The following RBFOX1 variants were observed in gnomAD, a reference collection of about 807,000 sequenced individuals.
RBFOX1 encodes the protein RNA binding protein fox-1 homolog 1.
In RBFOX1, 8 loss-of-function variants were observed where a neutral mutation model predicts 57.7. The observed-to-expected ratio is 0.14, with a 90% CI of 0.08 to 0.25. The LOEUF (loss-of-function observed/expected upper bound fraction) is 0.25, where lower values mean the gene tolerates loss of function less well. RBFOX1 is among the 10% of genes least tolerant of loss of function. RBFOX1 has a pLI of 1.00. For missense variants in RBFOX1, 611 were observed against 548.5 expected, an observed-to-expected ratio of 1.11 and a Z score of -1.14; for synonymous variants, 326 against 222.4, an observed-to-expected ratio of 1.47 and a Z score of -4.15.
intron 3 of RBFOX1, among the ~76,000 whole-genome samples, chr16:5,629,751 G>C (rs780020380): frequency 1.3e-5 from 2 of 152,216 alleles, no homozygotes; most frequent in Non-Finnish European, 2.9e-5. Flanking sequence ...CGAAGGACCT[G>C]ACGTCAGTGG....
At chr16:7,476,410 G>A (rs1009770391) in intron 4 of RBFOX1, among the ~76,000 whole-genome samples, 2 of 152,092 alleles carry the variant, frequency 1.3e-5, no homozygotes, top group East Asian at 1.9e-4. Context: ...TATATAACAC[G>A]CTTTGAAAAA....
At chr16:6,111,756 TG>T (rs2096449065) in intron 1 of RBFOX1, among the ~76,000 whole-genome samples, 1 of 152,152 alleles carries the variant, frequency 6.6e-6, no homozygotes, top group South Asian at 2.1e-4. Context: ...TTTTGAAAAT[TG>T]TTTGGGTATA....
chr16:6,590,365 C>T (rs1401479817), intron 2 of RBFOX1, among the ~76,000 whole-genome samples: 1 of 152,162 alleles, frequency 6.6e-6, no homozygotes, highest in Non-Finnish European at 1.5e-5. Flanking sequence ...TTTCTTCCCA[C>T]CTCCCTGGGG....
At chr16:6,472,869 C>G (rs1045910735) in intron 2 of RBFOX1, among the ~76,000 whole-genome samples, 1 of 152,082 alleles carries the variant, frequency 6.6e-6, no homozygotes, top group African/African-American at 2.4e-5. Flanking sequence ...ATTTGATCCA[C>G]CCACCTCGGC....
At chr16:6,161,412 A>T (rs1445718878) in intron 1 of RBFOX1, among the ~76,000 whole-genome samples, 2 of 150,934 alleles carry the variant, frequency 1.3e-5, no homozygotes, top group Non-Finnish European at 2.9e-5. Flanking sequence ...AAAAGGATTG[A>T]TTAGTTCGTC....
chr16:6,875,410 G>C (rs1198259786), intron 3 of RBFOX1, among the ~76,000 whole-genome samples: 1 of 152,076 alleles, frequency 6.6e-6, no homozygotes, highest in Non-Finnish European at 1.5e-5. Flanking sequence ...TGGTTTTTGA[G>C]GTTTCATTTG....
intron 4 of RBFOX1, among the ~76,000 whole-genome samples, chr16:7,302,369 C>G (rs1481254850): frequency 1.3e-5 from 2 of 152,054 alleles, no homozygotes; most frequent in Admixed American, 1.3e-4. Flanking sequence ...GTGAGTTGTG[C>G]CTTGCGAGCT....
chr16:7,519,758 C>G (rs2077122871), intron 5 of RBFOX1: 5 of 971,658 alleles, frequency 5.1e-6, no homozygotes, highest in Non-Finnish European at 6.1e-6. Context: ...CTCAGGAAAG[C>G]AAGTATTTGT....
chr16:6,461,256 TA>T (rs1303067176), intron 2 of RBFOX1, among the ~76,000 whole-genome samples: 2 of 152,084 alleles, frequency 1.3e-5, no homozygotes, highest in Non-Finnish European at 2.9e-5. Context: ...TCCCAGAACT[TA>T]AAAAAATTAA....
intron 1 of RBFOX1, among the ~76,000 whole-genome samples, chr16:6,254,107 G>A (rs1034786560): frequency 6.6e-6 from 1 of 152,088 alleles, no homozygotes; most frequent in African/African-American, 2.4e-5. Context: ...ATTTTAGGTT[G>A]CCTTCCTTGA....
rs1466975602 is a variant in RBFOX1 at position 7,491,040 on chromosome 16, A to C, written c.28-27107A>C. Among the ~76,000 whole-genome samples, 2 of 152,142 alleles carry C rather than the reference A, an allele frequency of 1.3e-5. 1 individual carries two copies. The highest frequency in any genetic ancestry group is 4.1e-4 in the South Asian group (2 of 4,822). The stretch of plus-strand genomic sequence containing the variant: ...ATAGGTCTAGAAATCCATCAACTCC[A>C]GATTCTAAAGAGACAACCAAATGGC... On this transcript the variant is annotated intron_variant, in intron 4 of 15. Coordinates refer to ENST00000550418, the MANE Select transcript of RBFOX1 (RefSeq NM_018723.4).
intron 2 of RBFOX1, among the ~76,000 whole-genome samples, chr16:6,587,362 A>G (rs1316329830): frequency 6.6e-6 from 1 of 152,092 alleles, no homozygotes; most frequent in Non-Finnish European, 1.5e-5. Context: ...GCTCACAGCA[A>G]ACTTCGCCTC....
intron 4 of RBFOX1, among the ~76,000 whole-genome samples, chr16:7,327,571 T>C (rs1052406553): frequency 2.6e-5 from 4 of 152,230 alleles, no homozygotes; most frequent in Non-Finnish European, 5.9e-5. Context: ...GCATTTTGTT[T>C]TGTTCTGTTT....
intron 2 of RBFOX1, among the ~76,000 whole-genome samples, chr16:6,520,716 A>G (rs2096482405): frequency 6.6e-6 from 1 of 152,130 alleles, no homozygotes; most frequent in African/African-American, 2.4e-5. Context: ...TGATCCAGAC[A>G]CCCTTAGAAC....
At chr16:6,902,669 C>T (rs973804542) in intron 3 of RBFOX1, among the ~76,000 whole-genome samples, 2 of 152,154 alleles carry the variant, frequency 1.3e-5, no homozygotes, top group Admixed American at 1.3e-4. Flanking sequence ...CTGTAGTGAG[C>T]TGAGATTGTG....
intron 1 of RBFOX1, among the ~76,000 whole-genome samples, chr16:5,465,134 T>G (rs2068913362): frequency 6.6e-6 from 1 of 152,152 alleles, no homozygotes; most frequent in African/African-American, 2.4e-5. Flanking sequence ...AAACAGCAAA[T>G]TTATTTCTCT....
At chr16:6,950,378 A>C (rs966951398) in intron 3 of RBFOX1, among the ~76,000 whole-genome samples, 1 of 143,950 alleles carries the variant, frequency 6.9e-6, no homozygotes, top group African/African-American at 2.6e-5. Flanking sequence ...CCCTCTGTCC[A>C]CCCACCACCC....
intron 2 of RBFOX1, among the ~76,000 whole-genome samples, chr16:6,418,682 C>T (rs1001033819): frequency 7.2e-5 from 11 of 151,970 alleles, no homozygotes; most frequent in Non-Finnish European, 1.3e-4. Context: ...GCCACCACAC[C>T]TGGCTAATTT....
chr16:5,693,719 C>A (rs1567406466), intron 3 of RBFOX1, among the ~76,000 whole-genome samples: 2 of 152,194 alleles, frequency 1.3e-5, no homozygotes, highest in Non-Finnish European at 2.9e-5. Context: ...CAGTGACTTC[C>A]TCTTTCCCAT....
Sources: gnomAD v4.1 joint callset for allele counts (sites outside exome capture counted in the v4.1 genomes callset) on GRCh38, gnomAD v4.1.1 for gene constraint, MANE v1.5 for transcripts, NCBI Gene and HGNC (gene_info 2026-07-23, HGNC 2026-07-21) for gene names.